KANK1: variants seen among roughly 807,000 people sequenced by gnomAD.
The protein encoded by KANK1 is KN motif and ankyrin repeat domain-containing protein 1.
Under a neutral mutation model 106.2 loss-of-function variants are expected in KANK1, and 109 were observed. The ratio of observed to expected loss-of-function variants is 1.03; its 90% CI spans 0.88 to 1.20. The LOEUF (loss-of-function observed/expected upper bound fraction) is 1.20, where lower values mean the gene tolerates loss of function less well. Among genes scored for constraint, KANK1 ranks in the 50% most tolerant of loss-of-function variants. KANK1 has a pLI of 0.00. For synonymous variants in KANK1, 873 were observed against 652.2 expected (o/e 1.34, Z -5.16); for missense variants, 2,399 against 1,710.7 (o/e 1.40, Z -7.10).
intron 3 of KANK1, among the ~76,000 whole-genome samples, chr9:490,920 G>A (rs894594518): frequency 1.3e-5 from 2 of 150,518 alleles, no homozygotes; most frequent in African/African-American, 2.4e-5. Context: ...AAAAAGATGA[G>A]GAGAACAAAG....
At chr9:533,723 T>G (rs1203523871) in intron 1 of KANK1, among the ~76,000 whole-genome samples, 1 of 152,240 alleles carries the variant, frequency 6.6e-6, no homozygotes, top group East Asian at 1.9e-4. Flanking sequence ...TTCTAGTTCC[T>G]GATAGAGTGA....
In KANK1 at chr9:732,585, A is replaced by T. The variant is rs572159737; in HGVS notation, c.3213A>T (p.Glu1071Asp). The T allele has an allele frequency of 1.6e-5, 26 of 1,614,168 alleles. No homozygotes were observed. The Admixed American group carries it at 3.0e-4, about 19-fold the overall frequency. ...TGGAAGATGAAATGCAGGTTCAAGA[A>T]TGTGAACCTGAGAAGGTGGAAATCA... ...ARVEDEMQVQ[E>D]CEPEKVEIRE... Residue 1071 changes from glutamate to aspartate, a missense_variant, in exon 6 of 12, where the codon GAA (glutamate) becomes GAT (aspartate). Transcript: ENST00000382297.
intron 1 of KANK1, among the ~76,000 whole-genome samples, chr9:573,275 T>C (rs1343153109): frequency 6.6e-6 from 1 of 151,996 alleles, no homozygotes; most frequent in Non-Finnish European, 1.5e-5. Flanking sequence ...ATTATTATTA[T>C]TATTATTTTT....
chr9:716,287 T>C lies in KANK1; in HGVS notation c.2698+2823T>C, dbSNP rs1356937098. ...TTGTAATGAAGATTCAGTGAGTCAA[T>C]AGGAGTAAAGCACAGAGTATAAATG... is the stretch of plus-strand genomic sequence containing the variant. On this transcript the variant is annotated intron_variant, in intron 3 of 11. Coordinates refer to ENST00000382297, the MANE Select transcript of KANK1 (RefSeq NM_015158.5). 1.3e-4 allele frequency among the ~76,000 whole-genome samples: 20 copies of C among 152,232 alleles called. 1 individual carries two copies. Among genetic ancestry groups the C allele is most frequent in the Admixed American group, 1.3e-3 (20 of 15,286 alleles).
intron 1 of KANK1, among the ~76,000 whole-genome samples, chr9:653,396 CA>C (rs1486051860): frequency 1.3e-5 from 2 of 151,944 alleles, no homozygotes; most frequent in African/African-American, 4.8e-5. Flanking sequence ...AAGGCCAGAG[CA>C]AAAGGTTTCC....
chr9:636,816 G>A lies in KANK1; in HGVS notation c.-83-40074G>A, dbSNP rs71509970. ...CGGGAGGTGGAGGTTGCAGTGAGCC[G>A]AGATTGCCATTGGACTCCAGCCAGG... On this transcript the variant is annotated intron_variant, in intron 1 of 11. Coordinates refer to ENST00000382297, the MANE Select transcript of KANK1 (RefSeq NM_015158.5). Among the ~76,000 whole-genome samples the A allele has an allele frequency of 7.2e-5, 11 of 152,312 alleles. No homozygotes were observed. The East Asian group carries it at 1.5e-3, about 21-fold the overall frequency.
At chr9:682,844 C>T (rs943898810) in intron 2 of KANK1, among the ~76,000 whole-genome samples, 25 of 152,128 alleles carry the variant, frequency 1.6e-4, no homozygotes, top group Non-Finnish European at 1.3e-4. Flanking sequence ...CTGATAAGAC[C>T]GGGTCAGCCA....
At chr9:533,310 G>T (rs2060148492) in intron 1 of KANK1, among the ~76,000 whole-genome samples, 1 of 152,176 alleles carries the variant, frequency 6.6e-6, no homozygotes, top group Non-Finnish European at 1.5e-5. Context: ...TGTGGGTACA[G>T]AGTTTAGATT....
At chr9:634,115 G>A (rs1358272296) in intron 1 of KANK1, among the ~76,000 whole-genome samples, 1 of 152,214 alleles carries the variant, frequency 6.6e-6, no homozygotes, top group African/African-American at 2.4e-5. Context: ...CTGTGATATT[G>A]CAGTAAAGAA....
intron 1 of KANK1, among the ~76,000 whole-genome samples, chr9:533,385 C>G (rs568574487): frequency 6.4e-4 from 98 of 152,276 alleles, no homozygotes; most frequent in African/African-American, 2.2e-3. Flanking sequence ...GAAGAATGGA[C>G]ATAGAGAAAA....
chr9:607,631 C>A (rs1433671983), intron 1 of KANK1, among the ~76,000 whole-genome samples: 1 of 151,650 alleles, frequency 6.6e-6, no homozygotes, highest in African/African-American at 2.4e-5. Flanking sequence ...TGCACATGTG[C>A]CTCACCCAGT....
intron 1 of KANK1, among the ~76,000 whole-genome samples, chr9:536,499 AG>A (rs927927087): frequency 6.6e-6 from 1 of 152,116 alleles, no homozygotes; most frequent in African/African-American, 2.4e-5. Flanking sequence ...CAGCTTCTAG[AG>A]GTTGCCTGTA....
At chr9:546,415 C>T (rs890739274) in intron 1 of KANK1, among the ~76,000 whole-genome samples, 1 of 151,978 alleles carries the variant, frequency 6.6e-6, no homozygotes, top group Non-Finnish European at 1.5e-5. Context: ...CCCCAAACAC[C>T]AGTTGTGCTG....
At chr9:540,983 G>GCTGTT (rs2060565618) in intron 1 of KANK1, among the ~76,000 whole-genome samples, 1 of 151,994 alleles carries the variant, frequency 6.6e-6, no homozygotes, top group African/African-American at 2.4e-5. Flanking sequence ...CTGACTTTGG[G>GCTGTT]CTGTTCCTTT....
intron 1 of KANK1, among the ~76,000 whole-genome samples, chr9:665,445 T>C (rs1844351796): frequency 6.6e-6 from 1 of 152,240 alleles, no homozygotes; most frequent in Admixed American, 6.5e-5. Flanking sequence ...TTGCATATTG[T>C]TGGCACCTCT....
At chr9:741,045 C>G (rs1422458251) in intron 9 of KANK1, 111 bp downstream of exon 9, 3 of 1,224,910 alleles carry the variant, frequency 2.4e-6, no homozygotes, top group East Asian at 5.0e-5. Context: ...CCACAGTGCA[C>G]TTGTTTGCAG....
chr9:590,066 A>G (rs76274150), intron 1 of KANK1, among the ~76,000 whole-genome samples: 5,101 of 152,196 alleles, frequency 0.034, 266 homozygotes, highest in African/African-American at 0.11. Context: ...AGGAGTGAGG[A>G]AAAAAACGGC....
At chr9:517,827 C>G (rs964784870) in intron 1 of KANK1, among the ~76,000 whole-genome samples, 1 of 150,272 alleles carries the variant, frequency 6.7e-6, no homozygotes, top group Non-Finnish European at 1.5e-5. Context: ...GACCCTCCGC[C>G]TCCCAGGTTC....
chr9:648,566 A>G (rs1840224960), intron 1 of KANK1, among the ~76,000 whole-genome samples: 3 of 152,156 alleles, frequency 2.0e-5, no homozygotes, highest in Non-Finnish European at 4.4e-5. Flanking sequence ...GCTCTCAGAA[A>G]ATTAAAATGA....
Sources: gnomAD v4.1 joint callset for allele counts (sites outside exome capture counted in the v4.1 genomes callset) on GRCh38, gnomAD v4.1.1 for gene constraint, MANE v1.5 for transcripts, NCBI Gene and HGNC (gene_info 2026-07-23, HGNC 2026-07-21) for gene names.